OSGIN1: variants seen among roughly 807,000 people sequenced by gnomAD.
OSGIN1 encodes the protein oxidative stress-induced growth inhibitor 1.
OSGIN1 carries 19 observed loss-of-function variants against 20.1 expected under a neutral mutation model. That is an observed-to-expected ratio of 0.95 (90% CI 0.66 to 1.39). OSGIN1 has a LOEUF of 1.39. Ranked by LOEUF, OSGIN1 falls within the 40% of genes most tolerant of loss-of-function variation. The pLI is 0.00. For synonymous variants in OSGIN1, 368 were observed against 297.8 expected, an observed-to-expected ratio of 1.24 and a Z score of -2.43; for missense variants, 820 against 653.0, an observed-to-expected ratio of 1.26 and a Z score of -2.79.
intron 5 of OSGIN1, among the ~76,000 whole-genome samples, chr16:83,962,729 G>A (rs2084230982): frequency 6.6e-6 from 1 of 152,204 alleles, no homozygotes; most frequent in Non-Finnish European, 1.5e-5. Context: ...CTCCAGCAGG[G>A]AGGGGTGTTT....
chr16:83,962,529 C>T (rs1483623460), intron 5 of OSGIN1, among the ~76,000 whole-genome samples: 1 of 152,242 alleles, frequency 6.6e-6, no homozygotes, highest in Non-Finnish European at 1.5e-5. Context: ...GCGTGAGCCA[C>T]CACGCCAGGC....
chr16:83,962,619 A>T (rs192399690), intron 5 of OSGIN1, among the ~76,000 whole-genome samples: 18 of 152,184 alleles, frequency 1.2e-4, no homozygotes, highest in African/African-American at 3.6e-4. Context: ...ACATGTACAC[A>T]TGGTGGTCGG....
chr16:83,960,845 T>C, intron 4 of OSGIN1, 85 bp downstream of exon 4: 1 of 1,505,828 alleles, frequency 6.6e-7, no homozygotes, highest in Non-Finnish European at 9.1e-7. Flanking sequence ...GCATCTCCCT[T>C]TCCTCATTCT....
Position 83,965,948 on chromosome 16 carries a change from G to T in OSGIN1, c.1375G>T (p.Gly459Trp). The T allele has an allele frequency of 1.2e-6, 2 of 1,611,254 alleles. No homozygotes were observed. The highest frequency in any genetic ancestry group is 1.7e-6 in the Non-Finnish European group (2 of 1,179,318). Residue 459 changes from glycine (G) to tryptophan (W), a missense_variant, in exon 6 of 6, where the codon GGG (glycine) becomes TGG (tryptophan). Physicochemically the swap from Gly to Trp is radical, Grantham distance 184 (BLOSUM62 -2). Transcript: ENST00000393306. Reference protein sequence around the residue: ...AGDNFVRFVQGGALAVASSLL... With the variant: ...AGDNFVRFVQWGALAVASSLL... ...GGACAACTTCGTGAGGTTTGTGCAG[G>T]GGGGCGCCTTGGCTGTGGCCAGCTC... is the stretch of plus-strand genomic sequence containing the variant.
intron 5 of OSGIN1, among the ~76,000 whole-genome samples, chr16:83,962,646 A>G (rs993830248): frequency 1.3e-5 from 2 of 152,204 alleles, no homozygotes; most frequent in Non-Finnish European, 2.9e-5. Flanking sequence ...GCCTGGCTGT[A>G]TACGTTAGGG....
rs1438550303 is a variant in OSGIN1 at position 83,957,687 on chromosome 16, A to G, written c.16A>G (p.Lys6Glu). 6.2e-7 allele frequency: 1 copy of G among 1,607,442 alleles called. No individual in the cohort carries two copies. Among genetic ancestry groups the G allele is most frequent in the South Asian group, 1.1e-5 (1 of 90,060 alleles). MSSSR[K>E]DHLGASSSEP... ...CCCACCAGCCATGAGCTCCTCCAGA[A>G]AGGACCACCTCGGCGCCAGCAGCTC... The change falls in exon 2 of 6, where the codon AAG (lysine) becomes GAG (glutamate). Residue 6 changes from lysine to glutamate, a missense_variant. Transcript: ENST00000393306.
At chr16:83,958,875 T>C (rs1023234532) in intron 2 of OSGIN1, among the ~76,000 whole-genome samples, 13 of 152,204 alleles carry the variant, frequency 8.5e-5, no homozygotes, top group Non-Finnish European at 1.6e-4. Context: ...TCGTCAGATA[T>C]TCCCTCTGTC....
In OSGIN1 at chr16:83,959,577, C is replaced by G. The variant is rs558760105; in HGVS notation, c.204+181C>G. ...AGAGAAATCAGAGACCCACAAATGC[C>G]ACACGATCTAGGGCTCACTATGCCC... On this transcript the variant is annotated intron_variant, in intron 3 of 5. Transcript: ENST00000393306. 2.0e-5 allele frequency among the ~76,000 whole-genome samples: 3 copies of G among 152,324 alleles called. No homozygotes were observed. In the East Asian group the frequency reaches 5.8e-4, roughly 29 times the overall value.
chr16:83,956,919 C>T (rs1276084072), intron 1 of OSGIN1: 2 of 152,262 alleles, frequency 1.3e-5, no homozygotes, highest in African/African-American at 4.8e-5. Flanking sequence ...GCGATTTGGG[C>T]CTGCGGCCAG....
chr16:83,965,407 G>A lies in OSGIN1; in HGVS notation c.834G>A (p.Val278=), dbSNP rs890515968. ...ELSALEAATR[V]GAVTPASDPV... ...CTGCCCTGGAGGCCGCCACAAGGGT[G>A]GGTGCGGTGACCCCGGCCTCAGACC... Residue 278 remains valine (V), a synonymous_variant, in exon 6 of 6, where the codon GTG becomes GTA. Coordinates refer to ENST00000393306, the MANE Select transcript of OSGIN1 (RefSeq NM_182981.3). 3.2e-6 allele frequency: 5 copies of A among 1,577,740 alleles called. No individual in the cohort carries two copies. In the African/African-American group the frequency reaches 5.4e-5, roughly 17 times the overall value.
chr16:83,954,510 A>T (rs1417723999), intron 1 of OSGIN1: 1 of 152,300 alleles, frequency 6.6e-6, no homozygotes, highest in Admixed American at 6.5e-5. Flanking sequence ...AAAGCACAAA[A>T]GGAATTGAAA....
At chr16:83,960,377 G>C (rs1237989078) in intron 3 of OSGIN1, among the ~76,000 whole-genome samples, 192 bp from the exon 4 acceptor site, 1 of 152,172 alleles carries the variant, frequency 6.6e-6, no homozygotes, top group African/African-American at 2.4e-5. Flanking sequence ...TCTGTACTCT[G>C]GGGCCCTTGG....
rs1212940402 is a variant in OSGIN1, at chr16:83,960,660, T to C, written c.296T>C (p.Phe99Ser). 6.2e-7 allele frequency: 1 copy of C among 1,613,504 alleles called. No individual in the cohort carries two copies. Among genetic ancestry groups the C allele is most frequent in the Admixed American group, 1.7e-5 (1 of 60,012 alleles). The change falls in exon 4 of 6, where the codon TTT (phenylalanine) becomes TCT (serine). Residue 99 changes from phenylalanine (F) to serine (S), a missense_variant. Coordinates refer to ENST00000393306, the MANE Select transcript of OSGIN1 (RefSeq NM_182981.3). Reference sequence around the variant, plus strand: ...GCCCTTCTACGCCCAGACACAGACTTTGGGGGAAACATGAAGTCGGTCCTC... The same window carrying C: ...GCCCTTCTACGCCCAGACACAGACTCTGGGGGAAACATGAAGTCGGTCCTC... Reference protein sequence around the residue: ...FDALLRPDTDFGGNMKSVLTW... With the variant: ...FDALLRPDTDSGGNMKSVLTW...
Position 83,965,342 on chromosome 16 carries a change from A to T in OSGIN1, c.769A>T (p.Ile257Phe). The change falls in exon 6 of 6, where the codon ATC (isoleucine) becomes TTC (phenylalanine). Residue 257 changes from isoleucine (I) to phenylalanine (F), a missense_variant. Coordinates refer to ENST00000393306, the MANE Select transcript of OSGIN1 (RefSeq NM_182981.3). ...GTTCGACAGCCCGGCCCGGCTGGGC[A>T]TCCCCGGGGAGGCCCTGCCCTTCAT... ...GTFDSPARLGIPGEALPFIHH... is the reference protein window; with the variant it reads ...GTFDSPARLGFPGEALPFIHH... The T allele has an allele frequency of 6.4e-7, 1 of 1,571,246 alleles. No individual in the cohort carries two copies. The highest frequency in any genetic ancestry group is 8.6e-7 in the Non-Finnish European group (1 of 1,160,118).
Position 83,964,946 on chromosome 16 carries a change from C to T in OSGIN1, c.489-116C>T, listed in dbSNP as rs974507517. Reference sequence around the variant, plus strand: ...GGTTGAATTACCTGGCCTAGTCCTACAGCTACAGCCTAGTCCAGCTCCAGG... The same window carrying T: ...GGTTGAATTACCTGGCCTAGTCCTATAGCTACAGCCTAGTCCAGCTCCAGG... On this transcript the variant is annotated intron_variant, in intron 5 of 5. Transcript: ENST00000393306. 102 of 722,930 alleles carry T rather than the reference C, an allele frequency of 1.4e-4. 2 individuals carry two copies. Among genetic ancestry groups the T allele is most frequent in the South Asian group, 1.4e-3 (77 of 56,866 alleles). 44.8% of individuals were successfully genotyped at this position (722,930 alleles called of 1,614,324 possible).
In OSGIN1 at chr16:83,965,257, G is replaced by A; in HGVS notation, c.684G>A (p.Arg228=). ...PLFQVSGFLT[R]NQAQQPFSLW... ...TCCAGGTGAGCGGCTTCCTGACCAG[G>A]AACCAGGCCCAGCAGCCCTTCTCGC... The change falls in exon 6 of 6, where the codon AGG becomes AGA. Residue 228 remains arginine, a synonymous_variant. Coordinates refer to ENST00000393306, the MANE Select transcript of OSGIN1 (RefSeq NM_182981.3). 6.2e-7 allele frequency: 1 copy of A among 1,611,062 alleles called. No individual in the cohort carries two copies. Among genetic ancestry groups the A allele is most frequent in the Non-Finnish European group, 8.5e-7 (1 of 1,178,786 alleles).
Position 83,965,949 on chromosome 16 carries a change from G to C in OSGIN1, c.1376G>C (p.Gly459Ala). 1 of 1,610,794 alleles carries C rather than the reference G, an allele frequency of 6.2e-7. No homozygotes were observed. Residue 459 changes from glycine (G) to alanine (A), a missense_variant, in exon 6 of 6, where the codon GGG becomes GCG. Transcript: ENST00000393306. ...GACAACTTCGTGAGGTTTGTGCAGG[G>C]GGGCGCCTTGGCTGTGGCCAGCTCC... ...AGDNFVRFVQ[G>A]GALAVASSLL...
chr16:83,965,325 GC>G lies in OSGIN1; in HGVS notation c.755del (p.Pro252ArgfsTer30), dbSNP rs2084264163. 14 of 1,576,758 alleles carry G rather than the reference GC, an allele frequency of 8.9e-6. No individual in the cohort carries two copies. Among genetic ancestry groups the G allele is most frequent in the Non-Finnish European group, 1.2e-5 (14 of 1,161,362 alleles). On this transcript the variant is annotated frameshift_variant, in exon 6 of 6. Transcript: ENST00000393306. LOFTEE classifies it low-confidence loss of function (END_TRUNC). ...GTCCTCGCCACAGGCACGTTCGACA[GC>G]CCGGCCCGGCTGGGCATCCCCGGGG... ...NVVLATGTFD[S>X]PARLGIPGEA...
In OSGIN1 at chr16:83,965,356, C is replaced by T; in HGVS notation, c.783C>T (p.Ala261=). The change falls in exon 6 of 6, where the codon GCC becomes GCT. Residue 261 remains alanine, a synonymous_variant. Transcript: ENST00000393306. ...SPARLGIPGE[A]LPFIHHELSA... ...CCCGGCTGGGCATCCCCGGGGAGGC[C>T]CTGCCCTTCATCCACCATGAGCTGT... is the stretch of plus-strand genomic sequence containing the variant. 4.5e-6 allele frequency: 7 copies of T among 1,571,858 alleles called. No individual in the cohort carries two copies. The highest frequency in any genetic ancestry group is 6.0e-6 in the Non-Finnish European group (7 of 1,161,260).
Sources: allele counts gnomAD v4.1 joint callset (sites outside exome capture counted in the v4.1 genomes callset), GRCh38; gene constraint gnomAD v4.1.1; transcripts MANE v1.5; gene names NCBI Gene and HGNC (gene_info 2026-07-23, HGNC 2026-07-21).